CCDC7: variants seen among roughly 807,000 people sequenced by gnomAD.
The protein encoded by CCDC7 is coiled-coil domain containing 7.
A neutral mutation model predicts 196.9 loss-of-function variants in CCDC7; 183 were observed. The observed-to-expected ratio is 0.93, with a 90% CI of 0.82 to 1.05. The LOEUF is 1.05. Ranked by LOEUF, CCDC7 falls within the 50% of genes least tolerant of loss-of-function variation. The pLI is 0.00. For synonymous variants in CCDC7, 525 were observed against 484.6 expected (o/e 1.08, Z -1.10); for missense variants, 1,540 against 1,482.2 (o/e 1.04, Z -0.64).
chr10:32,761,123 C>G (rs1048630195), intron 28 of CCDC7, among the ~76,000 whole-genome samples: 7 of 151,970 alleles, frequency 4.6e-5, no homozygotes, highest in African/African-American at 1.4e-4. Context: ...AATAAATTCA[C>G]TAGACAAAAC....
intron 15 of CCDC7, 40 bp from the exon 17 acceptor site, chr10:32,571,819 A>T: frequency 6.6e-7 from 1 of 1,508,216 alleles, no homozygotes; most frequent in Non-Finnish European, 8.8e-7. Flanking sequence ...TTTCATATGC[A>T]TACTTGATAT....
chr10:32,881,011 G>A (rs902696269), downstream of CCDC7, among the ~76,000 whole-genome samples: 7 of 152,200 alleles, frequency 4.6e-5, no homozygotes, highest in Non-Finnish European at 1.0e-4. Context: ...GAAGTGACTA[G>A]TAAGATAGTG....
intron 18 of CCDC7, among the ~76,000 whole-genome samples, chr10:32,586,214 T>C (rs1322856685): frequency 6.6e-6 from 1 of 152,210 alleles, no homozygotes; most frequent in Admixed American, 6.5e-5. Flanking sequence ...CACTTTTTGA[T>C]GGGGTTGTTT....
At chr10:32,572,450 T>C (rs1375124903) in intron 16 of CCDC7, among the ~76,000 whole-genome samples, 1 of 152,182 alleles carries the variant, frequency 6.6e-6, no homozygotes, top group East Asian at 1.9e-4. Flanking sequence ...CCTAGAAGTA[T>C]GCATTTATGT....
At chr10:32,820,156 T>C (rs902228209) in intron 31 of CCDC7, among the ~76,000 whole-genome samples, 3 of 152,172 alleles carry the variant, frequency 2.0e-5, no homozygotes, top group African/African-American at 4.8e-5. Flanking sequence ...ATCACAAGCA[T>C]TCTTATACAC....
chr10:32,776,266 A>G (rs1216880525), intron 28 of CCDC7, among the ~76,000 whole-genome samples: 1 of 149,808 alleles, frequency 6.7e-6, no homozygotes, highest in Non-Finnish European at 1.5e-5. Context: ...ATGTACCCTA[A>G]AACTTGAAGT....
At chr10:32,611,475 T>C (rs2062124255) in intron 18 of CCDC7, among the ~76,000 whole-genome samples, 1 of 152,256 alleles carries the variant, frequency 6.6e-6, no homozygotes, top group Non-Finnish European at 1.5e-5. Context: ...TTTTGGTGTT[T>C]TAGTCATGAA....
At chr10:32,726,706 G>T in intron 25 of CCDC7, 28 bp from the exon 27 acceptor site, 3 of 1,314,390 alleles carry the variant, frequency 2.3e-6, no homozygotes, top group Non-Finnish European at 2.2e-6. Flanking sequence ...CGGACTAAAT[G>T]TATCTCTTTA....
intron 21 of CCDC7, among the ~76,000 whole-genome samples, chr10:32,667,566 C>A (rs1332782581): frequency 6.6e-6 from 1 of 152,134 alleles, no homozygotes; most frequent in Non-Finnish European, 1.5e-5. Context: ...GGAAGGGATC[C>A]AGTTTCAGCT....
chr10:32,570,668 G>A (rs1261057281), intron 15 of CCDC7, among the ~76,000 whole-genome samples: 1 of 152,164 alleles, frequency 6.6e-6, no homozygotes, highest in Non-Finnish European at 1.5e-5. Flanking sequence ...AAAGAATATG[G>A]AGGACAAACA....
At chr10:32,842,790 C>T (rs2136121630) in intron 33 of CCDC7, among the ~76,000 whole-genome samples, 1 of 152,142 alleles carries the variant, frequency 6.6e-6, no homozygotes, top group South Asian at 2.1e-4. Flanking sequence ...ATGGCATTTG[C>T]AGCAACCTGA....
At chr10:32,565,414 T>C (rs1273915162) in intron 13 of CCDC7, 144 bp from the exon 15 acceptor site, 3 of 704,650 alleles carry the variant, frequency 4.3e-6, no homozygotes, top group East Asian at 3.0e-5. Flanking sequence ...TTATCCACCA[T>C]TACACTTGAG....
chr10:32,658,131 T>A (rs2070377551), intron 20 of CCDC7, among the ~76,000 whole-genome samples: 1 of 152,232 alleles, frequency 6.6e-6, no homozygotes, highest in African/African-American at 2.4e-5. Context: ...TCCTGCCTTC[T>A]AAGTCCTCCA....
intron 28 of CCDC7, among the ~76,000 whole-genome samples, chr10:32,743,677 G>A (rs1007241954): frequency 7.2e-5 from 11 of 152,070 alleles, no homozygotes; most frequent in Admixed American, 2.6e-4. Context: ...CTGCTATAAA[G>A]ACACATGCAC....
At chr10:32,642,850 G>A (rs1220445578) in intron 20 of CCDC7, among the ~76,000 whole-genome samples, 3 of 152,136 alleles carry the variant, frequency 2.0e-5, no homozygotes, top group Non-Finnish European at 2.9e-5. Context: ...CCTAGAGTAT[G>A]GATGATGAAT....
At chr10:32,814,475 A>G (rs190260774) in intron 31 of CCDC7, 22 bp downstream of exon 32, 89 of 1,520,748 alleles carry the variant, frequency 5.9e-5, no homozygotes, top group South Asian at 1.9e-4. Context: ...AACTTTACAC[A>G]TTTAGTATTT....
At chr10:32,672,315 C>T (rs1467426019) in intron 21 of CCDC7, among the ~76,000 whole-genome samples, 1 of 152,192 alleles carries the variant, frequency 6.6e-6, no homozygotes, top group African/African-American at 2.4e-5. Flanking sequence ...ATGGCTAAAC[C>T]AGTGTCTGGA....
At chr10:32,735,110 A>G (rs1316564772) in intron 28 of CCDC7, among the ~76,000 whole-genome samples, 1 of 152,178 alleles carries the variant, frequency 6.6e-6, no homozygotes, top group Non-Finnish European at 1.5e-5. Flanking sequence ...CTCCTAAACC[A>G]CAAAAAGAGT....
At chr10:32,820,065 C>T (rs61670892) in intron 31 of CCDC7, among the ~76,000 whole-genome samples, 2,262 of 152,232 alleles carry the variant, frequency 0.015, 45 homozygotes, top group African/African-American at 0.052. Context: ...ATCTAGAAAA[C>T]CCCACTGTCT....
Sources: gnomAD v4.1 joint callset for allele counts (sites outside exome capture counted in the v4.1 genomes callset) on GRCh38, gnomAD v4.1.1 for gene constraint, MANE v1.5 for transcripts, NCBI Gene and HGNC (gene_info 2026-07-23, HGNC 2026-07-21) for gene names.